Variants in PPP1R12A observed in about 807,000 individuals in gnomAD.
PPP1R12A encodes the protein protein phosphatase 1 regulatory subunit 12A.
In PPP1R12A, 19 loss-of-function variants were observed where a neutral mutation model predicts 139.6. That is an observed-to-expected ratio of 0.14 (90% CI 0.09 to 0.20). The LOEUF (loss-of-function observed/expected upper bound fraction) is 0.20. PPP1R12A is among the 10% of genes least tolerant of loss of function. PPP1R12A has a pLI of 1.00. For missense variants in PPP1R12A, 925 were observed against 1,211.5 expected (o/e 0.76, Z 3.51); for synonymous variants, 427 against 420.6 (o/e 1.02, Z -0.19).
intron 10 of PPP1R12A, among the ~76,000 whole-genome samples, chr12:79,808,926 GT>G (rs968198774): frequency 1.3e-5 from 2 of 151,934 alleles, no homozygotes; most frequent in Non-Finnish European, 2.9e-5. Flanking sequence ...TTCAAATATT[GT>G]TCACTGAGAG....
At chr12:79,805,320 C>A (rs761804637) in intron 14 of PPP1R12A, among the ~76,000 whole-genome samples, 2 of 152,082 alleles carry the variant, frequency 1.3e-5, no homozygotes, top group Non-Finnish European at 2.9e-5. Context: ...TTGAAATAAA[C>A]CACCTTAGAA....
chr12:79,932,278 C>CTTGTGTGTG (rs1227055093), intron 1 of PPP1R12A, among the ~76,000 whole-genome samples: 3 of 152,134 alleles, frequency 2.0e-5, no homozygotes, highest in African/African-American at 7.2e-5. Flanking sequence ...TTAAAATTTT[C>CTTGTGTGTG]TTGTGTGTGT....
intron 1 of PPP1R12A, among the ~76,000 whole-genome samples, chr12:79,899,073 T>A (rs1885388900): frequency 6.6e-6 from 1 of 152,056 alleles, no homozygotes; most frequent in South Asian, 2.1e-4. Flanking sequence ...AGTCATTTAT[T>A]TACACATTAA....
chr12:79,896,269 T>C (rs1400232680), intron 1 of PPP1R12A, among the ~76,000 whole-genome samples: 1 of 152,178 alleles, frequency 6.6e-6, no homozygotes, highest in African/African-American at 2.4e-5. Context: ...GTTATTTAAA[T>C]AGCTAATAAC....
intron 1 of PPP1R12A, among the ~76,000 whole-genome samples, chr12:79,875,760 T>C (rs1196550245): frequency 6.6e-6 from 1 of 152,212 alleles, no homozygotes; most frequent in Non-Finnish European, 1.5e-5. Flanking sequence ...TAAAAATTGA[T>C]GTGCCATTTA....
rs192519955 is a variant in PPP1R12A, at chr12:79,877,584, C to T, written c.238-4646G>A. On this transcript the variant is annotated intron_variant, in intron 1 of 24. Coordinates refer to ENST00000450142, the MANE Select transcript of PPP1R12A (RefSeq NM_002480.3). ...ACACTGGAGTGCAGCAGCACAATCT[C>T]GGCTCAATGCAACCTCCGCCTCCCG... Among the ~76,000 whole-genome samples the T allele has an allele frequency of 8.5e-5, 13 of 152,296 alleles. No individual in the cohort carries two copies. The East Asian group carries it at 2.3e-3, about 27-fold the overall frequency.
chr12:79,797,039 T>C, intron 16 of PPP1R12A, 89 bp from the exon 17 acceptor site: 1 of 1,428,690 alleles, frequency 7.0e-7, no homozygotes, highest in Non-Finnish European at 9.5e-7. Flanking sequence ...AAAGAAAAAG[T>C]AGTATACTAA....
chr12:79,811,869 A>G (rs1874580223), intron 9 of PPP1R12A, among the ~76,000 whole-genome samples: 1 of 152,224 alleles, frequency 6.6e-6, no homozygotes. Flanking sequence ...AAAAAAACAA[A>G]CAAAAAACCT....
At chr12:79,820,600 T>G (rs540219252) in intron 8 of PPP1R12A, among the ~76,000 whole-genome samples, 174 bp downstream of exon 8, 155 of 152,280 alleles carry the variant, frequency 1.0e-3, no homozygotes, top group African/African-American at 3.6e-3. Context: ...TAAATAATAA[T>G]AAATTCACAA....
chr12:79,843,797 G>A (rs760946734), intron 3 of PPP1R12A, among the ~76,000 whole-genome samples: 8 of 151,128 alleles, frequency 5.3e-5, no homozygotes, highest in East Asian at 3.9e-4. Flanking sequence ...TCCGCCTCCC[G>A]GGTTCAAGCA....
chr12:79,893,638 T>A (rs535522106), intron 1 of PPP1R12A, among the ~76,000 whole-genome samples: 2 of 152,328 alleles, frequency 1.3e-5, no homozygotes, highest in South Asian at 4.1e-4. Flanking sequence ...AATTTTTCTG[T>A]ATCATAGCTG....
At chr12:79,917,483 CAAAAAA>C (rs59586178) in intron 1 of PPP1R12A, among the ~76,000 whole-genome samples, 2 of 78,896 alleles carry the variant, frequency 2.5e-5, no homozygotes, top group East Asian at 3.3e-4. Flanking sequence ...GACTCTGTCT[CAAAAAA>C]AAAAAAAAAA....
rs80161317 is a variant in PPP1R12A at position 79,911,603 on chromosome 12, T to G, written c.237+23092A>C. ...GTACCCTGAAACCTGAAATAAAAGGTTTTTTTTTAAGACTTAAAAATTCTA... is the reference window on the plus strand; with the variant it reads ...GTACCCTGAAACCTGAAATAAAAGGGTTTTTTTTAAGACTTAAAAATTCTA... On this transcript the variant is annotated intron_variant, in intron 1 of 24. Coordinates refer to ENST00000450142, the MANE Select transcript of PPP1R12A (RefSeq NM_002480.3). 5.1e-4 allele frequency among the ~76,000 whole-genome samples: 78 copies of G among 151,532 alleles called. 1 individual carries two copies. In the East Asian group the frequency reaches 0.014, roughly 26 times the overall value.
In PPP1R12A at chr12:79,821,133, G is replaced by C; in HGVS notation, c.901C>G (p.Leu301Val). The C allele has an allele frequency of 1.2e-6, 2 of 1,613,170 alleles. No homozygotes were observed. Among genetic ancestry groups the C allele is most frequent in the Non-Finnish European group, 1.7e-6 (2 of 1,179,404 alleles). The change falls in exon 7 of 25, where the codon CTA becomes GTA. Residue 301 changes from leucine (L) to valine (V), a missense_variant. Physicochemically the swap from Leu to Val is conservative, Grantham distance 32. Coordinates refer to ENST00000450142, the MANE Select transcript of PPP1R12A (RefSeq NM_002480.3). ...TCCATATTTGCTGTTGATTCAATTA[G>C]TGGAGATTTCTTGTCCCGTTTTTCA... ...HSEKRDKKSP[L>V]IESTANMDNN... is the part of the protein sequence containing the mutation.
At chr12:79,824,058 TAA>T (rs1187336971) in intron 5 of PPP1R12A, 1 of 152,178 alleles carries the variant, frequency 6.6e-6, no homozygotes, top group Non-Finnish European at 1.5e-5. Flanking sequence ...CAGTCCAAGA[TAA>T]AAAGTTTTAG....
At chr12:79,869,843 T>G (rs1271069716) in intron 2 of PPP1R12A, among the ~76,000 whole-genome samples, 1 of 151,850 alleles carries the variant, frequency 6.6e-6, no homozygotes, top group Non-Finnish European at 1.5e-5. Context: ...CCAAAATACT[T>G]CAGTTACCAC....
intron 1 of PPP1R12A, among the ~76,000 whole-genome samples, chr12:79,917,402 T>C (rs1015195317): frequency 2.0e-5 from 3 of 150,468 alleles, no homozygotes; most frequent in South Asian, 2.1e-4. Context: ...GGAGAATTGC[T>C]TGAACCTGGG....
intron 2 of PPP1R12A, among the ~76,000 whole-genome samples, chr12:79,863,577 C>T (rs1270899286): frequency 7.4e-6 from 1 of 135,894 alleles, no homozygotes; most frequent in East Asian, 2.4e-4. Flanking sequence ...AGACCCATCT[C>T]ATGTGCAAAG....
intron 2 of PPP1R12A, among the ~76,000 whole-genome samples, chr12:79,847,901 T>C (rs1879589929): frequency 6.6e-6 from 1 of 152,182 alleles, no homozygotes; most frequent in Non-Finnish European, 1.5e-5. Context: ...CCAGTTCATT[T>C]TCCTTAGAAT....
Sources: gnomAD v4.1 joint callset for allele counts (sites outside exome capture counted in the v4.1 genomes callset) on GRCh38, gnomAD v4.1.1 for gene constraint, MANE v1.5 for transcripts, NCBI Gene and HGNC (gene_info 2026-07-23, HGNC 2026-07-21) for gene names.